Variants in RNF212 observed in about 807,000 individuals in gnomAD.
RNF212 encodes the protein probable E3 SUMO-protein ligase RNF212.
RNF212 carries 33 observed loss-of-function variants against 34.7 expected under a neutral mutation model. The observed-to-expected ratio is 0.95, with a 90% confidence interval of 0.72 to 1.27. RNF212 has a LOEUF of 1.27. RNF212 is among the 50% of genes most tolerant of loss of function. RNF212 has a pLI of 0.00. For synonymous variants in RNF212, 140 were observed against 136.1 expected, an observed-to-expected ratio of 1.03 and a Z score of -0.20; for missense variants, 377 against 362.2, an observed-to-expected ratio of 1.04 and a Z score of -0.33.
At chr4:1,071,039 T>G (rs554592528), downstream of RNF212, among the ~76,000 whole-genome samples, 1 of 152,120 alleles carries the variant, frequency 6.6e-6, no homozygotes, top group East Asian at 1.9e-4. Flanking sequence ...AAAAACTAAT[T>G]TTTTTAAATA....
At chr4:1,102,798 G>C (rs1022105811) in intron 2 of RNF212, among the ~76,000 whole-genome samples, 1 of 151,934 alleles carries the variant, frequency 6.6e-6, no homozygotes, top group Non-Finnish European at 1.5e-5. Flanking sequence ...CTTGCAGTGA[G>C]CCAAGACTGC....
chr4:1,108,296 GA>G, intron 2 of RNF212, 46 bp downstream of exon 2: 1 of 1,243,506 alleles, frequency 8.0e-7, no homozygotes, highest in Non-Finnish European at 1.1e-6. Context: ...AATTTAAAAG[GA>G]AATATGACTG....
chr4:1,059,952 G>A (rs1395705604), intron 3 of RNF212, among the ~76,000 whole-genome samples: 1 of 152,072 alleles, frequency 6.6e-6, no homozygotes, highest in East Asian at 1.9e-4. Context: ...AAATTAGCCA[G>A]GCGTGGTGGC....
chr4:1,110,095 A>G (rs1577846342), intron 1 of RNF212, among the ~76,000 whole-genome samples: 1 of 152,340 alleles, frequency 6.6e-6, no homozygotes, highest in East Asian at 1.9e-4. Context: ...CCGACTCATA[A>G]AAATCGAAAA....
intron 8 of RNF212, among the ~76,000 whole-genome samples, chr4:1,077,088 C>A (rs1208921826): frequency 1.3e-5 from 2 of 152,224 alleles, no homozygotes; most frequent in East Asian, 3.9e-4. Flanking sequence ...ATTAGCCAGG[C>A]ATGGTGGTGC....
intron 2 of RNF212, 137 bp from the exon 3 acceptor site, chr4:1,096,976 G>T: frequency 2.8e-6 from 2 of 705,190 alleles, no homozygotes; most frequent in Non-Finnish European, 2.5e-6. Context: ...GGCCTCTCAG[G>T]GGCCCTGCCA....
At position 1,073,202 on chromosome 4, in the gene RNF212, A is replaced by G. The variant is rs1442777395; in HGVS notation, c.575-9T>C. The G allele has an allele frequency of 6.2e-7, 1 of 1,612,408 alleles. No individual in the cohort carries two copies. The highest frequency in any genetic ancestry group is 8.5e-7 in the Non-Finnish European group (1 of 1,178,628). On this transcript the variant is annotated splice_polypyrimidine_tract_variant and intron_variant, in intron 9 of 9. Coordinates refer to ENST00000433731, the MANE Select transcript of RNF212 (RefSeq NM_001131034.4). ...AGCTGTTAGATGTGGCCCTGCGGGAAGATGCAGGAGACAGCGTGTGGGGAG... is the reference window on the plus strand; with the variant it reads ...AGCTGTTAGATGTGGCCCTGCGGGAGGATGCAGGAGACAGCGTGTGGGGAG...
Position 1,073,132 on chromosome 4 carries a change from C to CA in RNF212, c.635dup (p.Pro213AlafsTer39). ...CTCTGGAAATGACACACTCTCCGGG[C>CA]ACAGGGGGCTTAGACAAGGTCAACC... On this transcript the variant is annotated frameshift_variant, in exon 10 of 10. Coordinates refer to ENST00000433731, the MANE Select transcript of RNF212 (RefSeq NM_001131034.4). LOFTEE classifies it low-confidence loss of function (END_TRUNC). 6.2e-7 allele frequency: 1 copy of CA among 1,614,174 alleles called. No individual in the cohort carries two copies. The highest frequency in any genetic ancestry group is 2.2e-5 in the East Asian group (1 of 44,888).
At chr4:1,108,637 A>G (rs1725183889) in intron 1 of RNF212, among the ~76,000 whole-genome samples, 1 of 152,254 alleles carries the variant, frequency 6.6e-6, no homozygotes, top group Non-Finnish European at 1.5e-5. Flanking sequence ...CATAAAGATC[A>G]ACAACACTTA....
chr4:1,093,249 A>G, intron 3 of RNF212: 3 of 480,534 alleles, frequency 6.2e-6, no homozygotes, highest in Non-Finnish European at 3.2e-6. Flanking sequence ...GGCCCCAGAG[A>G]GCTTTGCTTA....
At chr4:1,098,931 C>A (rs377558515) in intron 2 of RNF212, among the ~76,000 whole-genome samples, 1 of 152,156 alleles carries the variant, frequency 6.6e-6, no homozygotes, top group African/African-American at 2.4e-5. Context: ...ATGGGAGCAA[C>A]TGAAGAAGCT....
chr4:1,096,758 A>T lies in RNF212; in HGVS notation c.246+7T>A. On this transcript the variant is annotated splice_region_variant and intron_variant, in intron 3 of 9. Transcript: ENST00000433731. ...CACGGAACCAAGCCACACCCCTCACAGCTCACCTGGGAGGTTTCCCTGGAG... is the reference window on the plus strand; with the variant it reads ...CACGGAACCAAGCCACACCCCTCACTGCTCACCTGGGAGGTTTCCCTGGAG... 1 of 1,610,214 alleles carries T rather than the reference A, an allele frequency of 6.2e-7. No individual in the cohort carries two copies. The highest frequency in any genetic ancestry group is 8.5e-7 in the Non-Finnish European group (1 of 1,176,414).
At chr4:1,062,513 G>A (rs536883018) in intron 3 of RNF212, among the ~76,000 whole-genome samples, 3 of 152,242 alleles carry the variant, frequency 2.0e-5, no homozygotes, top group Non-Finnish European at 2.9e-5. Context: ...TATAAAGGGC[G>A]CCTCCAGGAA....
chr4:1,076,982 C>T (rs915005457), intron 8 of RNF212, among the ~76,000 whole-genome samples: 3 of 152,196 alleles, frequency 2.0e-5, no homozygotes, highest in Non-Finnish European at 2.9e-5. Flanking sequence ...GTAATCCCAG[C>T]ACTTTGGGAC....
At chr4:1,096,927 T>A in intron 2 of RNF212, 88 bp from the exon 3 acceptor site, 1 of 995,320 alleles carries the variant, frequency 1.0e-6, no homozygotes, top group Non-Finnish European at 1.6e-6. Flanking sequence ...AGACCTAGAA[T>A]TAGCTATAGA....
intron 8 of RNF212, chr4:1,073,904 G>A (rs1718846164): frequency 7.6e-6 from 4 of 523,532 alleles, no homozygotes; most frequent in Admixed American, 3.1e-5. Flanking sequence ...TTCCACCAGG[G>A]CCTAAAACAG....
At chr4:1,099,837 G>A (rs955729098) in intron 2 of RNF212, 4 of 456,230 alleles carry the variant, frequency 8.8e-6, no homozygotes, top group Non-Finnish European at 1.8e-5. Flanking sequence ...AAGCGGACAC[G>A]GGTACCCCTG....
intron 5 of RNF212, 147 bp downstream of exon 5, chr4:1,085,749 G>A: frequency 1.5e-6 from 1 of 662,014 alleles, no homozygotes; most frequent in Non-Finnish European, 2.7e-6. Context: ...CAGCATTTTT[G>A]CTCTGATGAA....
exon 5 of RNF212, chr4:1,056,383 G>A (rs1261174835): frequency 3.8e-6 from 1 of 262,306 alleles, no homozygotes; most frequent in Non-Finnish European, 6.0e-6. Context: ...AGGGGGCAGA[G>A]CGGGTGGCTG....
Sources: allele counts gnomAD v4.1 joint callset (sites outside exome capture counted in the v4.1 genomes callset), GRCh38; gene constraint gnomAD v4.1.1; transcripts MANE v1.5; gene names NCBI Gene and HGNC (gene_info 2026-07-23, HGNC 2026-07-21).